The following AKT3 variants were observed in gnomAD, a reference collection of about 807,000 sequenced individuals.
AKT3 encodes the protein RAC-gamma serine/threonine-protein kinase.
AKT3 carries 15 observed loss-of-function variants against 65.3 expected under a neutral mutation model. The ratio of observed to expected loss-of-function variants is 0.23; its 90% CI spans 0.15 to 0.35. AKT3 has a LOEUF of 0.35. Among genes scored for constraint, AKT3 ranks in the 10% least tolerant of loss-of-function variants. The probability of loss-of-function intolerance (pLI) is 1.00; values close to 1 mark genes in which losing one functional copy is unlikely to be tolerated. For missense variants in AKT3, 243 were observed against 576.5 expected, an observed-to-expected ratio of 0.42 and a Z score of 5.92; for synonymous variants, 206 against 183.8, an observed-to-expected ratio of 1.12 and a Z score of -0.98.
chr1:243,624,903 G>T, intron 6 of AKT3: 1 of 214,276 alleles, frequency 4.7e-6, no homozygotes, highest in South Asian at 9.5e-5. Context: ...TTTGAATCCT[G>T]ATCACCACCT....
At chr1:243,639,426 T>C (rs951207078) in intron 5 of AKT3, among the ~76,000 whole-genome samples, 1 of 152,130 alleles carries the variant, frequency 6.6e-6, no homozygotes, top group African/African-American at 2.4e-5. Context: ...AGGTCTCCTT[T>C]CACAAGATGC....
intron 12 of AKT3, among the ~76,000 whole-genome samples, chr1:243,520,265 T>A (rs1365724205): frequency 6.6e-6 from 1 of 152,142 alleles, no homozygotes; most frequent in East Asian, 1.9e-4. Flanking sequence ...GGAAAAACCA[T>A]ATGAAGACAC....
intron 2 of AKT3, among the ~76,000 whole-genome samples, chr1:243,808,812 A>G (rs2148390369): frequency 6.6e-6 from 1 of 152,372 alleles, no homozygotes; most frequent in Non-Finnish European, 1.5e-5. Flanking sequence ...AGGGAAGCCC[A>G]TCAGACTAAC....
intron 3 of AKT3, among the ~76,000 whole-genome samples, chr1:243,678,039 G>T (rs1255760043): frequency 6.6e-6 from 1 of 152,066 alleles, no homozygotes; most frequent in East Asian, 1.9e-4. Context: ...AGTGAGCCGA[G>T]ATCGCGCCAT....
At chr1:243,572,401 C>T (rs1674627678) in intron 9 of AKT3, among the ~76,000 whole-genome samples, 1 of 152,126 alleles carries the variant, frequency 6.6e-6, no homozygotes, top group African/African-American at 2.4e-5. Flanking sequence ...CTGAGCTACC[C>T]TAAGGGTCTC....
At chr1:243,618,455 T>G (rs1678495563) in intron 6 of AKT3, among the ~76,000 whole-genome samples, 3 of 152,254 alleles carry the variant, frequency 2.0e-5, no homozygotes, top group South Asian at 4.1e-4. Flanking sequence ...TTAATTACAG[T>G]TAAAAGCAAC....
chr1:243,730,855 C>A (rs1687514304), intron 2 of AKT3, among the ~76,000 whole-genome samples: 7 of 152,224 alleles, frequency 4.6e-5, no homozygotes, highest in Non-Finnish European at 1.5e-5. Context: ...TACGCCTGCT[C>A]CAGCTGCAGC....
chr1:243,583,144 T>G (rs1009505920), intron 8 of AKT3, among the ~76,000 whole-genome samples: 1 of 144,290 alleles, frequency 6.9e-6, no homozygotes, highest in Non-Finnish European at 1.5e-5. Flanking sequence ...CATATATATA[T>G]CTCTCTCTTC....
chr1:243,545,448 T>C, intron 12 of AKT3, 62 bp downstream of exon 12: 1 of 920,664 alleles, frequency 1.1e-6, no homozygotes, highest in South Asian at 1.5e-5. Context: ...ATATTTTTGC[T>C]ATAAATTCAT....
chr1:243,706,590 G>C (rs1157140549), intron 2 of AKT3, among the ~76,000 whole-genome samples: 1 of 151,070 alleles, frequency 6.6e-6, no homozygotes, highest in Non-Finnish European at 1.5e-5. Flanking sequence ...CAAACCGAGA[G>C]CTCCACTATT....
intron 7 of AKT3, 49 bp from the exon 8 acceptor site, chr1:243,613,788 A>T (rs747516585): frequency 1.7e-6 from 2 of 1,171,078 alleles, no homozygotes; most frequent in African/African-American, 1.6e-5. Context: ...CTGTATTCTT[A>T]TAATTATAAT....
At chr1:243,670,157 C>A (rs1435323360) in intron 3 of AKT3, among the ~76,000 whole-genome samples, 3 of 152,128 alleles carry the variant, frequency 2.0e-5, no homozygotes, top group Admixed American at 6.5e-5. Flanking sequence ...CGTGTAATTA[C>A]AAATAAACAG....
chr1:243,670,114 T>C (rs762141400), intron 3 of AKT3, among the ~76,000 whole-genome samples: 8 of 152,208 alleles, frequency 5.3e-5, no homozygotes, highest in African/African-American at 9.7e-5. Flanking sequence ...AATCAGGTCC[T>C]GTGAACCCTC....
At chr1:243,542,128 A>G (rs1672362457) in intron 12 of AKT3, among the ~76,000 whole-genome samples, 1 of 152,234 alleles carries the variant, frequency 6.6e-6, no homozygotes, top group Non-Finnish European at 1.5e-5. Context: ...TACAGATTCA[A>G]CACAATCTCA....
intron 2 of AKT3, among the ~76,000 whole-genome samples, chr1:243,809,160 G>A (rs1262843885): frequency 3.9e-5 from 6 of 152,118 alleles, no homozygotes; most frequent in African/African-American, 1.4e-4. Context: ...CATAATGACA[G>A]GATCAAATTC....
intron 6 of AKT3, among the ~76,000 whole-genome samples, chr1:243,622,950 G>A (rs546642969): frequency 4.6e-5 from 7 of 152,152 alleles, no homozygotes; most frequent in South Asian, 2.1e-4. Context: ...ATGGACTTAC[G>A]TGCAGAAAAA....
chr1:243,629,253 G>A (rs535503618), intron 6 of AKT3, among the ~76,000 whole-genome samples: 35 of 152,110 alleles, frequency 2.3e-4, no homozygotes, highest in Non-Finnish European at 4.4e-4. Flanking sequence ...TCCAGCCTGG[G>A]CAACAAGAGC....
At chr1:243,700,344 T>C (rs1685366409) in intron 2 of AKT3, among the ~76,000 whole-genome samples, 2 of 152,176 alleles carry the variant, frequency 1.3e-5, no homozygotes. Flanking sequence ...TAACTTCAGA[T>C]TCTGGACCTT....
chr1:243,704,308 A>G (rs571050334), intron 2 of AKT3, among the ~76,000 whole-genome samples: 1 of 152,298 alleles, frequency 6.6e-6, no homozygotes, highest in Non-Finnish European at 1.5e-5. Context: ...AGGCAGCAAT[A>G]AATGATACAA....
Sources: allele counts gnomAD v4.1 joint callset (sites outside exome capture counted in the v4.1 genomes callset), GRCh38; gene constraint gnomAD v4.1.1; transcripts MANE v1.5; gene names NCBI Gene and HGNC (gene_info 2026-07-23, HGNC 2026-07-21).